LGSN: variants seen among roughly 807,000 people sequenced by gnomAD.
LGSN encodes the protein lengsin, lens protein with glutamine synthetase domain, also known as lengsin.
A neutral mutation model predicts 19.5 loss-of-function variants in LGSN; 21 were observed. The observed-to-expected ratio is 1.07, with a 90% CI of 0.76 to 1.55. The LOEUF is 1.55. Among genes scored for constraint, LGSN ranks in the 40% most tolerant of loss-of-function variants. LGSN has a pLI of 0.00. For synonymous variants in LGSN, 257 were observed against 215.6 expected, an observed-to-expected ratio of 1.19 and a Z score of -1.68; for missense variants, 673 against 608.5, an observed-to-expected ratio of 1.11 and a Z score of -1.12.
chr6:63,502,204 C>G, the LGSN span, among the ~76,000 whole-genome samples: 2 of 152,188 alleles, frequency 1.3e-5, no homozygotes, highest in African/African-American at 4.8e-5. Context: ...AGAGGAAATA[C>G]TTTGGAAATA....
chr6:63,503,012 C>G, the LGSN span, among the ~76,000 whole-genome samples: 2 of 151,986 alleles, frequency 1.3e-5, no homozygotes. Flanking sequence ...ATATTTTTTG[C>G]CATAAGAAAA....
the LGSN span, among the ~76,000 whole-genome samples, chr6:63,356,431 A>G: frequency 9.9e-5 from 15 of 152,116 alleles, no homozygotes; most frequent in East Asian, 1.7e-3. Flanking sequence ...GATCCCAGCT[A>G]CTCGGGAGGC....
the LGSN span, among the ~76,000 whole-genome samples, chr6:63,505,967 T>C: frequency 6.6e-6 from 1 of 151,988 alleles, no homozygotes; most frequent in Non-Finnish European, 1.5e-5. Context: ...TTATTTGTAA[T>C]GGGACACAGG....
the LGSN span, among the ~76,000 whole-genome samples, chr6:63,449,205 A>G: frequency 6.6e-6 from 1 of 152,134 alleles, no homozygotes; most frequent in South Asian, 2.1e-4. Flanking sequence ...AAATAAACCC[A>G]CCAGGACAGC....
the LGSN span, among the ~76,000 whole-genome samples, chr6:63,429,930 G>A: frequency 7.9e-5 from 12 of 152,126 alleles, no homozygotes; most frequent in East Asian, 1.5e-3. Flanking sequence ...ATTCATGGAC[G>A]GAAGGAAAGG....
chr6:63,489,715 T>C, the LGSN span, among the ~76,000 whole-genome samples: 1 of 152,128 alleles, frequency 6.6e-6, no homozygotes, highest in Non-Finnish European at 1.5e-5. Flanking sequence ...TATTTATTTC[T>C]TTATTATTTT....
At chr6:63,282,948 TA>T (rs1228322736) in intron 3 of LGSN, among the ~76,000 whole-genome samples, 1 of 152,204 alleles carries the variant, frequency 6.6e-6, no homozygotes, top group Non-Finnish European at 1.5e-5. Flanking sequence ...TTTACATATC[TA>T]AAATGAGAAA....
chr6:63,545,472 G>A, the LGSN span, among the ~76,000 whole-genome samples: 3 of 152,200 alleles, frequency 2.0e-5, no homozygotes, highest in Admixed American at 6.5e-5. Context: ...TTAGCTGGGC[G>A]TGGTGGCACA....
chr6:63,478,892 A>C, the LGSN span, among the ~76,000 whole-genome samples: 1 of 152,210 alleles, frequency 6.6e-6, no homozygotes, highest in South Asian at 2.1e-4. Context: ...CTACAGTGTC[A>C]GCTTATTCCA....
chr6:63,551,212 C>A, the LGSN span, among the ~76,000 whole-genome samples: 1 of 151,916 alleles, frequency 6.6e-6, no homozygotes. Flanking sequence ...ACTACAGGGG[C>A]GCGCCACCAC....
the LGSN span, among the ~76,000 whole-genome samples, chr6:63,340,471 G>T: frequency 3.0e-3 from 449 of 151,994 alleles, 3 homozygotes; most frequent in African/African-American, 0.01. Flanking sequence ...TTCTGTTGTT[G>T]TTGTTTTGTC....
chr6:63,363,289 C>G, the LGSN span, among the ~76,000 whole-genome samples: 3 of 152,236 alleles, frequency 2.0e-5, no homozygotes, highest in South Asian at 6.2e-4. Flanking sequence ...CAGAGTGCCT[C>G]TTCTCCTCCA....
upstream of LGSN, among the ~76,000 whole-genome samples, chr6:63,320,372 G>A (rs76585474): frequency 3.6e-3 from 552 of 152,242 alleles, 4 homozygotes; most frequent in East Asian, 0.033. Flanking sequence ...GAAAAATACA[G>A]CTATAAGTGA....
upstream of LGSN, among the ~76,000 whole-genome samples, chr6:63,324,212 G>A (rs1769173292): frequency 6.6e-6 from 1 of 152,154 alleles, no homozygotes; most frequent in African/African-American, 2.4e-5. Flanking sequence ...TCTCCTCAAA[G>A]GTTCTTGGAA....
chr6:63,363,119 C>A, the LGSN span, among the ~76,000 whole-genome samples: 1 of 152,194 alleles, frequency 6.6e-6, no homozygotes, highest in Non-Finnish European at 1.5e-5. Context: ...TCCAACAGAC[C>A]TGCAGCTGAG....
the LGSN span, among the ~76,000 whole-genome samples, chr6:63,531,831 C>CTT: frequency 4.2e-5 from 6 of 144,280 alleles, no homozygotes; most frequent in Non-Finnish European, 9.2e-5. Flanking sequence ...GCCACATACA[C>CTT]TTTTTTTTTT....
At chr6:63,535,472 G>GA in the LGSN span, among the ~76,000 whole-genome samples, 29 of 145,324 alleles carry the variant, frequency 2.0e-4, no homozygotes, top group East Asian at 4.0e-4. Flanking sequence ...TGTCTTAAAA[G>GA]AAAAAAAAAA....
chr6:63,461,209 C>G, the LGSN span, among the ~76,000 whole-genome samples: 1 of 152,190 alleles, frequency 6.6e-6, no homozygotes, highest in Non-Finnish European at 1.5e-5. Flanking sequence ...CACCACCATA[C>G]TGGGCTAATT....
the LGSN span, among the ~76,000 whole-genome samples, chr6:63,566,980 G>A: frequency 2.0e-5 from 3 of 152,172 alleles, no homozygotes; most frequent in African/African-American, 7.2e-5. Context: ...TCCTTCATAA[G>A]AAGCAACTCC....
Sources: gnomAD v4.1 joint callset for allele counts (sites outside exome capture counted in the v4.1 genomes callset) on GRCh38, gnomAD v4.1.1 for gene constraint, MANE v1.5 for transcripts, NCBI Gene and HGNC (gene_info 2026-07-23, HGNC 2026-07-21) for gene names.